SRPRA: variants seen among roughly 807,000 people sequenced by gnomAD.
SRPRA encodes signal recognition particle receptor subunit alpha.
In SRPRA, 30 loss-of-function variants were observed where a neutral mutation model predicts 61.1. That is an observed-to-expected ratio of 0.49 (90% CI 0.37 to 0.67). The LOEUF is 0.67. Ranked by LOEUF, SRPRA falls within the 30% of genes least tolerant of loss-of-function variation. The pLI is 0.00. For missense variants in SRPRA, 759 were observed against 828.4 expected, an observed-to-expected ratio of 0.92 and a Z score of 1.03; for synonymous variants, 324 against 299.7, an observed-to-expected ratio of 1.08 and a Z score of -0.84.
At position 126,265,783 on chromosome 11, in the gene SRPRA, T is replaced by C; in HGVS notation, c.1092A>G (p.Glu364=). 3 of 1,614,228 alleles carry C rather than the reference T, an allele frequency of 1.9e-6. No individual in the cohort carries two copies. Among genetic ancestry groups the C allele is most frequent in the Non-Finnish European group, 2.5e-6 (3 of 1,180,038 alleles). Reference sequence around the variant, plus strand: ...TCCCTTCCAACTTGTTGGCAACAGATTCACAGAGCTGGACGGCAATGTCTG... The same window carrying C: ...TCCCTTCCAACTTGTTGGCAACAGACTCACAGAGCTGGACGGCAATGTCTG... The part of the protein sequence containing the change: ...VAADIAVQLC[E]SVANKLEGKV... The change falls in exon 9 of 14, where the codon GAA becomes GAG. Residue 364 remains glutamate, a synonymous_variant. Coordinates refer to ENST00000332118, the MANE Select transcript of SRPRA (RefSeq NM_003139.4). The surrounding 1 kb of genome is among the most constrained non-coding windows in gnomAD (Gnocchi z 6.3).
chr11:126,254,063 C>T, the SRPRA span, among the ~76,000 whole-genome samples: 1 of 152,200 alleles, frequency 6.6e-6, no homozygotes, highest in African/African-American at 2.4e-5. Flanking sequence ...CAAATTATGA[C>T]AAATTGTGAT....
At chr11:126,237,394 TTTTA>T in the SRPRA span, among the ~76,000 whole-genome samples, 1 of 145,714 alleles carries the variant, frequency 6.9e-6, no homozygotes. Context: ...CTAATTTTTA[TTTTA>T]TTTATTTATT....
At chr11:126,256,537 A>T in the SRPRA span, 3 of 1,603,608 alleles carry the variant, frequency 1.9e-6, no homozygotes, top group East Asian at 6.7e-5. This position sits in a 1 kb window ranked among gnomAD's most constrained non-coding sequence, Gnocchi z 6.6. Flanking sequence ...TGTCTTCACA[A>T]TGTCAATATG....
the SRPRA span, among the ~76,000 whole-genome samples, chr11:126,248,583 G>A: frequency 4.0e-5 from 6 of 151,780 alleles, no homozygotes; most frequent in African/African-American, 1.5e-4. Flanking sequence ...TGTTGGCCAG[G>A]ATGGTCTCGA....
chr11:126,264,482 T>C lies in SRPRA; in HGVS notation c.1583A>G (p.Asn528Ser), dbSNP rs768211132. 1.5e-5 allele frequency: 25 copies of C among 1,613,976 alleles called. No homozygotes were observed. Among genetic ancestry groups the C allele is most frequent in the Non-Finnish European group, 2.0e-5 (24 of 1,180,050 alleles). The change falls in exon 12 of 14, where the codon AAT becomes AGT. Residue 528 changes from asparagine to serine, a missense_variant. Asn to Ser is a conservative substitution (Grantham distance 46). Coordinates refer to ENST00000332118, the MANE Select transcript of SRPRA (RefSeq NM_003139.4). The surrounding 1 kb of genome is among the most constrained non-coding windows in gnomAD (Gnocchi z 5.0). ...LVDTAGRMQD[N>S]APLMTALAKL... ...GGCCAGGGCAGTCATCAGAGGGGCA[T>C]TGTCTTGCATGCGGCCTGCCGTGTC...
At position 126,263,982 on chromosome 11, in the gene SRPRA, G is replaced by A. The variant is rs1950754693; in HGVS notation, c.1851C>T (p.Gly617=). 6.2e-7 allele frequency: 1 copy of A among 1,614,210 alleles called. No individual in the cohort carries two copies. Among genetic ancestry groups the A allele is most frequent in the Non-Finnish European group, 8.5e-7 (1 of 1,180,038 alleles). ...TSKPIVFVGT[G]QTYCDLRSLN... ...GGCTGCGTAGGTCACAGTAGGTCTG[G>A]CCGGTGCCCACAAAGACGATGGGTT... Residue 617 remains glycine (G), a synonymous_variant, in exon 14 of 14, where the codon GGC becomes GGT. Coordinates refer to ENST00000332118, the MANE Select transcript of SRPRA (RefSeq NM_003139.4).
Position 126,266,065 on chromosome 11 carries a change from G to C in SRPRA, c.949C>G (p.Leu317Val), listed in dbSNP as rs1466181604. Residue 317 changes from leucine to valine, a missense_variant, in exon 8 of 14, where the codon CTG becomes GTG. This residue lies in a region of SRPRA where 475 missense variants were observed against 462.5 expected (regional missense o/e 1.03). Transcript: ENST00000332118. Reference protein sequence around the residue: ...STKPSATKGTLGGMFGMLKGL... With the variant: ...STKPSATKGTVGGMFGMLKGL... Reference sequence around the variant, plus strand: ...TTCAGCATACCAAACATGCCACCCAGTGTTCCCTTGGTCGCACTGCAGGGA... The same window carrying C: ...TTCAGCATACCAAACATGCCACCCACTGTTCCCTTGGTCGCACTGCAGGGA... The C allele has an allele frequency of 1.2e-6, 2 of 1,614,028 alleles. No individual in the cohort carries two copies. Among genetic ancestry groups the C allele is most frequent in the African/African-American group, 2.7e-5 (2 of 74,918 alleles).
chr11:126,263,723 A>C lies in SRPRA; in HGVS notation c.*193T>G. 1.3e-6 allele frequency: 1 copy of C among 765,892 alleles called. No homozygotes were observed. Among genetic ancestry groups the C allele is most frequent in the African/African-American group, 1.7e-5 (1 of 57,566 alleles). 47.4% of individuals were successfully genotyped at this position (765,892 alleles called of 1,614,324 possible). A position where few individuals can be genotyped will look rare whatever the true frequency, so the allele number is the denominator to read the frequency against. ...GAGAGGGTCAGTGGGCAGTGATTGT[A>C]ACATGATTAGGCCTTCCTTGCAGAT... On this transcript the variant is annotated 3_prime_UTR_variant, in exon 14 of 14. Transcript: ENST00000332118.
the SRPRA span, chr11:126,256,543 A>C: frequency 6.2e-7 from 1 of 1,608,792 alleles, no homozygotes; most frequent in Admixed American, 1.7e-5. The surrounding 1 kb of genome is among the most constrained non-coding windows in gnomAD (Gnocchi z 6.6). Context: ...CACAATGTCA[A>C]TATGTTGTAT....
the SRPRA span, among the ~76,000 whole-genome samples, chr11:126,243,215 T>A: frequency 6.6e-6 from 1 of 152,164 alleles, no homozygotes; most frequent in Non-Finnish European, 1.5e-5. Context: ...TCCCAAACTA[T>A]GCTAAAAAAT....
the SRPRA span, among the ~76,000 whole-genome samples, chr11:126,250,156 A>G: frequency 1.3e-5 from 2 of 148,284 alleles, no homozygotes; most frequent in African/African-American, 5.0e-5. This position sits in a 1 kb window ranked among gnomAD's most constrained non-coding sequence, Gnocchi z 5.1. Flanking sequence ...CAGTGACGCG[A>G]TCTCGGCTCA....
At chr11:126,242,325 C>A in the SRPRA span, among the ~76,000 whole-genome samples, 1 of 152,086 alleles carries the variant, frequency 6.6e-6, no homozygotes, top group Non-Finnish European at 1.5e-5. Flanking sequence ...GATGGTGGCT[C>A]ATGCCTATAA....
Position 126,268,885 on chromosome 11 carries a change from G to A in SRPRA, c.-81C>T. ...GCCGCTTCCTGCTGCGCCAAGCGCGGGACACGTCACACCAGTGGCCCCGGA... is the reference window on the plus strand; with the variant it reads ...GCCGCTTCCTGCTGCGCCAAGCGCGAGACACGTCACACCAGTGGCCCCGGA... On this transcript the variant is annotated 5_prime_UTR_variant, in exon 1 of 14. Transcript: ENST00000332118. 2 of 1,199,056 alleles carry A rather than the reference G, an allele frequency of 1.7e-6. No individual in the cohort carries two copies. 74.3% of individuals were successfully genotyped at this position (1,199,056 alleles called of 1,614,324 possible).
chr11:126,246,135 T>A, the SRPRA span, among the ~76,000 whole-genome samples: 10 of 152,140 alleles, frequency 6.6e-5, no homozygotes, highest in Non-Finnish European at 1.0e-4. Flanking sequence ...ATGATATATT[T>A]AGGGGAAATT....
At chr11:126,266,351 T>A (rs1197618869) in intron 6 of SRPRA, 73 bp from the exon 7 acceptor site, 8 of 1,593,104 alleles carry the variant, frequency 5.0e-6, no homozygotes, top group Non-Finnish European at 6.9e-6. Flanking sequence ...CATTGCTCTA[T>A]CTCTTTCATT....
rs952799740 is a variant in SRPRA, at chr11:126,266,298, G to A, written c.841-20C>T. ...TCGAATCTGGAAGATACGGGGAAAG[G>A]ATGTGGGGTCAGGAACACTAAGGTC... On this transcript the variant is annotated intron_variant, in intron 6 of 13. Coordinates refer to ENST00000332118, the MANE Select transcript of SRPRA (RefSeq NM_003139.4). 2.5e-6 allele frequency: 4 copies of A among 1,612,812 alleles called. No homozygotes were observed. Among genetic ancestry groups the A allele is most frequent in the Non-Finnish European group, 3.4e-6 (4 of 1,179,018 alleles).
the SRPRA span, among the ~76,000 whole-genome samples, chr11:126,248,463 CGGATTCAAGCGATTCTCCT>C: frequency 6.8e-6 from 1 of 147,994 alleles, no homozygotes; most frequent in African/African-American, 2.5e-5. Flanking sequence ...CTCTGCCTCC[CGGATTCAAGCGATTCTCCT>C]GCCTCAGCCT....
At chr11:126,259,582 T>C (rs1207519783), downstream of SRPRA, among the ~76,000 whole-genome samples, 127 of 146,464 alleles carry the variant, frequency 8.7e-4, no homozygotes, top group African/African-American at 3.0e-3. Context: ...CCCACCACCA[T>C]GCCCGGCTAA....
Position 126,265,128 on chromosome 11 carries a change from A to T in SRPRA, c.1356T>A (p.Ala452=). ...CCCCAGCACGAAATGTATCACAGGC[A>T]GCAATGAGGACACTGAAGCCATTCT... ...LLENGFSVLI[A]ACDTFRAGAV... The change falls in exon 11 of 14, where the codon GCT becomes GCA. Residue 452 remains alanine (A), a synonymous_variant. Transcript: ENST00000332118. This position sits in a 1 kb window ranked among gnomAD's most constrained non-coding sequence, Gnocchi z 6.3. 6.2e-7 allele frequency: 1 copy of T among 1,614,238 alleles called. No individual in the cohort carries two copies. Among genetic ancestry groups the T allele is most frequent in the Non-Finnish European group, 8.5e-7 (1 of 1,180,042 alleles).
Sources: allele counts gnomAD v4.1 joint callset (sites outside exome capture counted in the v4.1 genomes callset), GRCh38; gene constraint gnomAD v4.1.1; regional missense constraint gnomAD v4.1.1; non-coding constraint Gnocchi (gnomAD v3.1); transcripts MANE v1.5; gene names NCBI Gene and HGNC (gene_info 2026-07-23, HGNC 2026-07-21).